The following MAST4 variants were observed in gnomAD, a reference collection of about 807,000 sequenced individuals.
MAST4 encodes microtubule associated serine/threonine kinase family member 4, also known as microtubule-associated serine/threonine-protein kinase 4.
A neutral mutation model predicts 162.7 loss-of-function variants in MAST4; 89 were observed. The ratio of observed to expected loss-of-function variants is 0.55; its 90% CI spans 0.46 to 0.65. The LOEUF (loss-of-function observed/expected upper bound fraction) is 0.65. Among genes scored for constraint, MAST4 ranks in the 30% least tolerant of loss-of-function variants. The pLI is 0.00. For synonymous variants in MAST4, 1,479 were observed against 1,361.1 expected, an observed-to-expected ratio of 1.09 and a Z score of -1.91; for missense variants, 3,153 against 3,374.0, an observed-to-expected ratio of 0.93 and a Z score of 1.62.
At chr5:66,679,774 G>T (rs908740066) in intron 1 of MAST4, among the ~76,000 whole-genome samples, 4 of 151,934 alleles carry the variant, frequency 2.6e-5, no homozygotes, top group African/African-American at 7.3e-5. Flanking sequence ...TATATGCTTT[G>T]CATATGTCCT....
intron 1 of MAST4, among the ~76,000 whole-genome samples, chr5:66,674,811 G>A (rs371097444): frequency 4.2e-4 from 64 of 152,280 alleles, no homozygotes; most frequent in African/African-American, 1.3e-3. Context: ...CAATAGATTC[G>A]TAGGCTGTTG....
At chr5:66,610,126 A>T (rs1236909354) in intron 1 of MAST4, among the ~76,000 whole-genome samples, 1 of 152,150 alleles carries the variant, frequency 6.6e-6, no homozygotes, top group African/African-American at 2.4e-5. Context: ...TAAAGGAACG[A>T]TCTGTTCCAT....
intron 1 of MAST4, among the ~76,000 whole-genome samples, chr5:66,745,628 C>T (rs1380062609): frequency 6.6e-6 from 1 of 152,156 alleles, no homozygotes; most frequent in Non-Finnish European, 1.5e-5. Flanking sequence ...CATTGCCCAG[C>T]TAACAAGGTA....
At chr5:67,023,891 A>AT (rs918730615) in intron 4 of MAST4, among the ~76,000 whole-genome samples, 4 of 151,614 alleles carry the variant, frequency 2.6e-5, no homozygotes, top group Non-Finnish European at 4.4e-5. Context: ...GTCTTTTATT[A>AT]TTTTTTAGGA....
chr5:67,092,161 G>C (rs559915691), intron 6 of MAST4, among the ~76,000 whole-genome samples: 21 of 152,236 alleles, frequency 1.4e-4, no homozygotes, highest in African/African-American at 4.8e-4. Flanking sequence ...ATGTCATTTT[G>C]AGACTCCCAC....
intron 4 of MAST4, chr5:67,005,080 A>C (rs1253427079): frequency 1.3e-6 from 1 of 761,748 alleles, no homozygotes; most frequent in South Asian, 1.4e-5. Context: ...TTCGGCGAAC[A>C]CAAAGGTAAA....
At chr5:66,793,157 C>T (rs1755496540) in intron 3 of MAST4, among the ~76,000 whole-genome samples, 1 of 152,162 alleles carries the variant, frequency 6.6e-6, no homozygotes, top group African/African-American at 2.4e-5. Context: ...AATTCCTAGC[C>T]TGAAGTATCT....
intron 4 of MAST4, among the ~76,000 whole-genome samples, chr5:67,043,009 T>C (rs1756953644): frequency 6.6e-6 from 1 of 152,198 alleles, no homozygotes; most frequent in African/African-American, 2.4e-5. Flanking sequence ...TGTTAAATAG[T>C]CATGCTGTTC....
intron 1 of MAST4, among the ~76,000 whole-genome samples, chr5:66,746,344 G>A (rs1394486547): frequency 1.3e-5 from 2 of 152,160 alleles, no homozygotes; most frequent in Non-Finnish European, 2.9e-5. Context: ...TGGGCACCTT[G>A]CCACAGTGAG....
At chr5:67,152,223 A>G (rs187452143) in intron 24 of MAST4, among the ~76,000 whole-genome samples, 43 of 152,386 alleles carry the variant, frequency 2.8e-4, no homozygotes, top group African/African-American at 1.0e-3. Context: ...TATAATACAT[A>G]CAGTCTTCTC....
intron 4 of MAST4, chr5:66,959,180 T>C: frequency 1.3e-6 from 1 of 778,594 alleles, no homozygotes; most frequent in Non-Finnish European, 2.4e-6. Context: ...TGGCTCTCTG[T>C]CATCACCGGG....
rs1375286944 is a variant in MAST4 at position 67,049,019 on chromosome 5, A to ACG, written c.675-5385_675-5384insCG. On this transcript the variant is annotated intron_variant, in intron 4 of 28. Coordinates refer to ENST00000403625, the MANE Select transcript of MAST4 (RefSeq NM_001164664.2). ...TATATATACACACACATATATATAT[A>ACG]TACGTATATATATATATATATACGT... 1.5e-4 allele frequency among the ~76,000 whole-genome samples: 18 copies of ACG among 119,366 alleles called. 1 individual carries two copies. The highest frequency in any genetic ancestry group is 4.8e-4 in the African/African-American group (14 of 29,106). 78.3% of individuals were successfully genotyped at this position (119,366 alleles called of 152,430 possible).
intron 1 of MAST4, among the ~76,000 whole-genome samples, chr5:66,638,513 T>C (rs1745274384): frequency 6.6e-6 from 1 of 152,226 alleles, no homozygotes; most frequent in South Asian, 2.1e-4. Context: ...TATTTCTATA[T>C]ACATAATGAG....
chr5:66,618,889 C>A (rs73106430), intron 1 of MAST4, among the ~76,000 whole-genome samples: 2,111 of 152,226 alleles, frequency 0.014, 47 homozygotes, highest in African/African-American at 0.048. Flanking sequence ...ATGCCTGCCT[C>A]TCTCCCTTTC....
At chr5:66,972,946 C>A (rs750330577) in intron 4 of MAST4, among the ~76,000 whole-genome samples, 49 of 152,178 alleles carry the variant, frequency 3.2e-4, no homozygotes, top group Non-Finnish European at 5.9e-4. Context: ...CTCTTCCTAC[C>A]CCTTCAACTT....
chr5:66,784,957 T>G (rs1755044606), intron 2 of MAST4, among the ~76,000 whole-genome samples: 1 of 152,344 alleles, frequency 6.6e-6, no homozygotes, highest in Middle Eastern at 3.4e-3. Context: ...CTCATGCCTG[T>G]AATCCCAACA....
intron 17 of MAST4, among the ~76,000 whole-genome samples, chr5:67,133,847 TC>T: frequency 1.3e-5 from 2 of 152,190 alleles, no homozygotes; most frequent in South Asian, 4.1e-4. Context: ...TCTACATTCC[TC>T]CCCCAACATT....
intron 1 of MAST4, among the ~76,000 whole-genome samples, chr5:66,691,607 A>G (rs1580208261): frequency 6.6e-6 from 1 of 152,164 alleles, no homozygotes; most frequent in Admixed American, 6.5e-5. Context: ...CAGCAGATTC[A>G]TCGTCTCGTT....
chr5:67,101,585 G>T (rs532883890), intron 8 of MAST4, among the ~76,000 whole-genome samples: 4 of 152,192 alleles, frequency 2.6e-5, no homozygotes, highest in African/African-American at 9.6e-5. Flanking sequence ...ATATATTAAG[G>T]TTTTATTATA....
Sources: allele counts gnomAD v4.1 joint callset (sites outside exome capture counted in the v4.1 genomes callset), GRCh38; gene constraint gnomAD v4.1.1; transcripts MANE v1.5; gene names NCBI Gene and HGNC (gene_info 2026-07-23, HGNC 2026-07-21).